Variants in KCNN2 observed in about 807,000 individuals in gnomAD.
The protein encoded by KCNN2 is small conductance calcium-activated potassium channel protein 2.
KCNN2 carries 24 observed loss-of-function variants against 55.5 expected under a neutral mutation model. The observed-to-expected ratio is 0.43, with a 90% CI of 0.31 to 0.61. KCNN2 has a LOEUF of 0.61. KCNN2 is among the 20% of genes least tolerant of loss of function. The pLI is 0.08. For missense variants in KCNN2, 754 were observed against 853.6 expected (o/e 0.88, Z 1.45); for synonymous variants, 431 against 336.1 (o/e 1.28, Z -3.09).
intron 2 of KCNN2, among the ~76,000 whole-genome samples, chr5:114,290,088 T>G (rs1237886603): frequency 6.6e-6 from 1 of 152,198 alleles, no homozygotes; most frequent in South Asian, 2.1e-4. Flanking sequence ...TGTGGTGTCT[T>G]TATCTGGCCT....
chr5:114,186,701 C>T (rs150066074), intron 1 of KCNN2, among the ~76,000 whole-genome samples: 78 of 152,098 alleles, frequency 5.1e-4, no homozygotes, highest in Non-Finnish European at 1.0e-3. Context: ...GGAAATTATA[C>T]GTGATAAAAA....
At chr5:114,181,538 A>G (rs1382768916) in intron 1 of KCNN2, among the ~76,000 whole-genome samples, 1 of 152,150 alleles carries the variant, frequency 6.6e-6, no homozygotes, top group Non-Finnish European at 1.5e-5. Context: ...ATATGTGGGT[A>G]TTCATTTTCC....
chr5:114,106,640 G>GTTTTTTTTTTTTTTTTTTTTTTATT (rs1352770725), intron 1 of KCNN2, among the ~76,000 whole-genome samples: 1 of 92,772 alleles, frequency 1.1e-5, no homozygotes. Context: ...GGATTTTCCA[G>GTTTTTTTTTTTTTTTTTTTTTTATT]TTGTTTTTTT....
chr5:114,402,502 A>G (rs193103511), intron 2 of KCNN2, among the ~76,000 whole-genome samples: 3 of 152,348 alleles, frequency 2.0e-5, no homozygotes, highest in Admixed American at 2.0e-4. Context: ...ACTATAGGCT[A>G]TTGATGCAAG....
chr5:114,137,734 A>G (rs1300610250), intron 1 of KCNN2, among the ~76,000 whole-genome samples: 2 of 152,106 alleles, frequency 1.3e-5, no homozygotes, highest in South Asian at 2.1e-4. Flanking sequence ...CAATAATGTT[A>G]AGGAGGTGGC....
intron 2 of KCNN2, among the ~76,000 whole-genome samples, chr5:114,259,363 G>T (rs3935723): frequency 0.36 from 54,055 of 152,072 alleles, 10,441 homozygotes; most frequent in Middle Eastern, 0.54. Context: ...GTCTGCAGGG[G>T]ATCTGGCGAT....
chr5:114,470,187 G>C (rs1761655527), intron 4 of KCNN2, among the ~76,000 whole-genome samples: 1 of 152,176 alleles, frequency 6.6e-6, no homozygotes, highest in South Asian at 2.1e-4. Flanking sequence ...TGATTCCAGT[G>C]ATTTTCCACT....
intron 1 of KCNN2, among the ~76,000 whole-genome samples, chr5:114,157,207 C>T (rs1303936904): frequency 6.8e-6 from 1 of 147,276 alleles, no homozygotes; most frequent in African/African-American, 2.5e-5. Flanking sequence ...TTCCTGTGTC[C>T]TTATGTTCTC....
chr5:114,255,963 A>G (rs1754975100), intron 2 of KCNN2, among the ~76,000 whole-genome samples: 1 of 151,956 alleles, frequency 6.6e-6, no homozygotes, highest in Admixed American at 6.6e-5. Context: ...TATATAGTGT[A>G]TATTGTACCC....
intron 2 of KCNN2, among the ~76,000 whole-genome samples, chr5:114,336,226 T>C (rs1756921871): frequency 6.6e-6 from 1 of 152,176 alleles, no homozygotes; most frequent in African/African-American, 2.4e-5. Flanking sequence ...GAAGAACATG[T>C]TGGGATCTGA....
At chr5:114,237,017 C>A (rs1754511146) in intron 2 of KCNN2, among the ~76,000 whole-genome samples, 1 of 152,116 alleles carries the variant, frequency 6.6e-6, no homozygotes, top group Non-Finnish European at 1.5e-5. Context: ...TAGGTTCACT[C>A]TGTGGTGAAC....
intron 2 of KCNN2, among the ~76,000 whole-genome samples, chr5:114,353,130 T>G (rs1757240344): frequency 6.6e-6 from 1 of 151,904 alleles, no homozygotes; most frequent in South Asian, 2.1e-4. Flanking sequence ...TTTGTCCTTA[T>G]AAAATTGTCT....
At chr5:114,135,548 A>G (rs894341241) in intron 1 of KCNN2, among the ~76,000 whole-genome samples, 7 of 152,174 alleles carry the variant, frequency 4.6e-5, no homozygotes, top group Admixed American at 6.5e-5. Flanking sequence ...TACAACATCT[A>G]AAAATACCAA....
intron 1 of KCNN2, among the ~76,000 whole-genome samples, chr5:114,219,191 T>C (rs910667571): frequency 3.3e-5 from 5 of 152,196 alleles, no homozygotes; most frequent in Non-Finnish European, 7.3e-5. Flanking sequence ...TGTGTTACAG[T>C]GCTATTTTAG....
rs975531959 is a variant in KCNN2 at position 114,484,365 on chromosome 5, C to G, written c.1891-2685C>G. On this transcript the variant is annotated intron_variant, in intron 5 of 7. Transcript: ENST00000673685. ...GGGATAGGAAATTACTTAACGGGTA[C>G]AATGTATACTATTTGGGTGATTATT... Among the ~76,000 whole-genome samples, 10 of 152,228 alleles carry G rather than the reference C, an allele frequency of 6.6e-5. No homozygotes were observed. The East Asian group carries it at 1.9e-3, about 29-fold the overall frequency.
intron 3 of KCNN2, among the ~76,000 whole-genome samples, chr5:114,426,408 G>A (rs891074004): frequency 5.9e-5 from 9 of 152,032 alleles, no homozygotes; most frequent in African/African-American, 2.2e-4. Context: ...CTAGTATTTT[G>A]TTGAGTTTTT....
intron 4 of KCNN2, among the ~76,000 whole-genome samples, chr5:114,468,764 T>C (rs894902475): frequency 6.6e-6 from 1 of 152,220 alleles, no homozygotes; most frequent in African/African-American, 2.4e-5. Context: ...TTTTTCACAG[T>C]TGAAATAATC....
chr5:114,159,038 A>G lies in KCNN2; in HGVS notation c.-270-62442A>G, dbSNP rs571751575. 7.9e-5 allele frequency among the ~76,000 whole-genome samples: 12 copies of G among 152,202 alleles called. No individual in the cohort carries two copies. The South Asian group carries it at 1.5e-3, about 18-fold the overall frequency. ...TGCCCTGGCCAGAACCTCCAACACT[A>G]TGTTGGAAAGGAGTGGTGAGAGAGG... On this transcript the variant is annotated intron_variant, in intron 1 of 10. Transcript: ENST00000512097.
chr5:114,240,526 G>C (rs1754596745), intron 2 of KCNN2, among the ~76,000 whole-genome samples: 1 of 149,774 alleles, frequency 6.7e-6, no homozygotes, highest in South Asian at 2.1e-4. Context: ...CACTTTCCCA[G>C]TTTCAAACAA....
Sources: gnomAD v4.1 joint callset for allele counts (sites outside exome capture counted in the v4.1 genomes callset) on GRCh38, gnomAD v4.1.1 for gene constraint, MANE v1.5 for transcripts, NCBI Gene and HGNC (gene_info 2026-07-23, HGNC 2026-07-21) for gene names.